Variants in COL11A1 observed in about 807,000 individuals in gnomAD.
COL11A1 encodes collagen type XI alpha 1 chain.
COL11A1 carries 74 observed loss-of-function variants against 265.2 expected under a neutral mutation model. The observed-to-expected ratio is 0.28, with a 90% CI of 0.23 to 0.34. The LOEUF is 0.34. Ranked by LOEUF, COL11A1 falls within the 10% of genes least tolerant of loss-of-function variation. COL11A1 has a pLI of 1.00. For synonymous variants in COL11A1, 816 were observed against 727.6 expected (o/e 1.12, Z -1.96); for missense variants, 2,165 against 2,263.6 (o/e 0.96, Z 0.88).
In COL11A1 at chr1:102,877,716, A is replaced by G; in HGVS notation, c.*303T>C. On this transcript the variant is annotated 3_prime_UTR_variant, in exon 67 of 67. Coordinates refer to ENST00000370096, the MANE Select transcript of COL11A1 (RefSeq NM_001854.4). ...AGCACCATATTTTTTATGAATATAT[A>G]TTTTTCTTTTTTTGTTTTCTACAGC... The G allele has an allele frequency of 3.2e-6, 1 of 311,614 alleles. No individual in the cohort carries two copies. The highest frequency in any genetic ancestry group is 3.6e-5 in the South Asian group (1 of 27,540). 19.3% of individuals were successfully genotyped at this position (311,614 alleles called of 1,614,324 possible). A position where few individuals can be genotyped will look rare whatever the true frequency, so the allele number is the denominator to read the frequency against.
intron 21 of COL11A1, 143 bp downstream of exon 21, chr1:103,003,072 T>A: frequency 3.4e-6 from 3 of 870,680 alleles, no homozygotes; most frequent in Non-Finnish European, 5.7e-6. Flanking sequence ...GAATGATGAG[T>A]TAAAGTGAAA....
intron 28 of COL11A1, among the ~76,000 whole-genome samples, chr1:102,991,014 C>A (rs988965186): frequency 6.6e-6 from 1 of 152,062 alleles, no homozygotes; most frequent in Admixed American, 6.6e-5. Flanking sequence ...GGCTTGGCAA[C>A]AGAGGGAGAC....
chr1:103,064,723 C>T (rs1020169942), intron 4 of COL11A1, among the ~76,000 whole-genome samples: 5 of 139,028 alleles, frequency 3.6e-5, no homozygotes, highest in Non-Finnish European at 6.3e-5. Flanking sequence ...AAAGAGAATA[C>T]ATAGAAGAAC....
At position 103,031,240 on chromosome 1, in the gene COL11A1, T is replaced by A. The variant is rs1268801503; in HGVS notation, c.656A>T (p.Asp219Val). 4 of 1,511,044 alleles carry A rather than the reference T, an allele frequency of 2.6e-6. No individual in the cohort carries two copies. Among genetic ancestry groups the A allele is most frequent in the Non-Finnish European group, 8.8e-7 (1 of 1,134,956 alleles). The allele number at this position is 1,511,044 out of a possible 1,614,324, so 93.6% of individuals were successfully genotyped here. A position where few individuals can be genotyped will look rare whatever the true frequency, so the allele number is the denominator to read the frequency against. The change falls in exon 5 of 67, where the codon GAC becomes GTC. Residue 219 changes from aspartate to valine, a missense_variant. By Grantham distance (152) the Asp-to-Val change is radical (BLOSUM62 -3). Transcript: ENST00000370096. ...ACCTGTGATCAAAAACTGCTGAATG[T>A]CCCCCTGGGAAAAAAAAAAAAACAA... The part of the protein sequence containing the change: ...RILDEEVFEG[D>V]IQQFLITGDP...
intron 11 of COL11A1, among the ~76,000 whole-genome samples, chr1:103,017,085 A>C (rs1434930225): frequency 6.6e-6 from 1 of 152,082 alleles, no homozygotes; most frequent in Non-Finnish European, 1.5e-5. Flanking sequence ...TTAAGTAAGC[A>C]GAGCATGTAA....
intron 1 of COL11A1, among the ~76,000 whole-genome samples, chr1:103,105,563 T>C (rs1674627372): frequency 6.6e-6 from 1 of 152,166 alleles, no homozygotes; most frequent in South Asian, 2.1e-4. Context: ...GTTTTAATTT[T>C]ATATAAAAGT....
At chr1:102,899,859 T>G (rs1289074273) in intron 54 of COL11A1, among the ~76,000 whole-genome samples, 2 of 152,100 alleles carry the variant, frequency 1.3e-5, no homozygotes, top group Non-Finnish European at 2.9e-5. Flanking sequence ...GATGCCATAT[T>G]AATATTTTAA....
chr1:103,016,488 G>C (rs34110240), intron 11 of COL11A1, among the ~76,000 whole-genome samples: 3,294 of 151,896 alleles, frequency 0.022, 59 homozygotes, highest in Middle Eastern at 0.092. Context: ...GTGACTCATA[G>C]ATATAAGGTA....
intron 20 of COL11A1, 62 bp downstream of exon 20, chr1:103,004,382 A>T (rs1665403627): frequency 3.3e-6 from 4 of 1,196,440 alleles, no homozygotes; most frequent in Non-Finnish European, 4.9e-6. Flanking sequence ...TATATGTGTA[A>T]CACCAGTCAC....
At chr1:102,928,343 ATG>A (rs1333460988) in intron 46 of COL11A1, among the ~76,000 whole-genome samples, 1 of 150,298 alleles carries the variant, frequency 6.7e-6, no homozygotes, top group African/African-American at 2.5e-5. Flanking sequence ...GAGTGAGAAT[ATG>A]CGGTGTTTGG....
chr1:103,042,326 A>C (rs1668877473), intron 4 of COL11A1, among the ~76,000 whole-genome samples: 1 of 152,164 alleles, frequency 6.6e-6, no homozygotes, highest in Admixed American at 6.6e-5. Context: ...AGATATAAGA[A>C]ATTTGAAATA....
chr1:103,092,398 T>C (rs954358450), intron 1 of COL11A1, among the ~76,000 whole-genome samples: 1 of 152,164 alleles, frequency 6.6e-6, no homozygotes, highest in Non-Finnish European at 1.5e-5. Flanking sequence ...AAGTCTTTTA[T>C]GGTTTACTAC....
intron 54 of COL11A1, among the ~76,000 whole-genome samples, chr1:102,903,210 G>C (rs1653458559): frequency 6.6e-6 from 1 of 151,922 alleles, no homozygotes; most frequent in South Asian, 2.1e-4. Context: ...TCATTCTCAA[G>C]TATTACAAAT....
At position 102,995,959 on chromosome 1, in the gene COL11A1, G is replaced by A. The variant is rs200758006; in HGVS notation, c.2295+30C>T. 3 of 1,611,854 alleles carry A rather than the reference G, an allele frequency of 1.9e-6. No individual in the cohort carries two copies. The African/African-American group carries it at 4.0e-5, about 21-fold the overall frequency. On this transcript the variant is annotated intron_variant, in intron 27 of 66. Coordinates refer to ENST00000370096, the MANE Select transcript of COL11A1 (RefSeq NM_001854.4). ...GTGAATATAACATTTCACTTTGAAA[G>A]TAAATAATGTGAAAACAATTTAACG...
chr1:102,948,598 TATTC>T lies in COL11A1; in HGVS notation c.3169-1646_3169-1643del, dbSNP rs1288757522. Among the ~76,000 whole-genome samples the T allele has an allele frequency of 2.4e-4, 37 of 152,160 alleles. 1 individual carries two copies. The highest frequency in any genetic ancestry group is 8.9e-4 in the African/African-American group (37 of 41,572). ...TATATTCAAAAACTAATCTAGGGAA[TATTC>T]TTATATTGCATAATAAATGAGTTGT... On this transcript the variant is annotated intron_variant, in intron 41 of 66. Coordinates refer to ENST00000370096, the MANE Select transcript of COL11A1 (RefSeq NM_001854.4).
At chr1:102,878,481 T>TATATATATATATATATAG (rs1649800375) in intron 66 of COL11A1, among the ~76,000 whole-genome samples, 1 of 89,428 alleles carries the variant, frequency 1.1e-5, no homozygotes, top group Non-Finnish European at 2.1e-5. Flanking sequence ...TCCTCATATA[T>TATATATATATATATATAG]ATATATATAT....
At chr1:102,889,400 T>TGTGTGCGTGC (rs1651447510) in intron 59 of COL11A1, 55 bp downstream of exon 59, 1 of 1,035,814 alleles carries the variant, frequency 9.7e-7, no homozygotes, top group African/African-American at 1.5e-5. Context: ...TGTGTGTGTG[T>TGTGTGCGTGC]GTGTGTGTGT....
intron 14 of COL11A1, among the ~76,000 whole-genome samples, chr1:103,008,835 A>G (rs540502383): frequency 7.3e-4 from 111 of 152,308 alleles, no homozygotes; most frequent in Non-Finnish European, 1.2e-3. Context: ...CACACAAAGC[A>G]TTATTTATGA....
At chr1:102,891,867 AG>A (rs1651823291) in intron 57 of COL11A1, among the ~76,000 whole-genome samples, 2 of 152,142 alleles carry the variant, frequency 1.3e-5, no homozygotes, top group Non-Finnish European at 2.9e-5. Context: ...TGGGTGACAG[AG>A]GAACACCCTG....
Sources: gnomAD v4.1 joint callset for allele counts (sites outside exome capture counted in the v4.1 genomes callset) on GRCh38, gnomAD v4.1.1 for gene constraint, MANE v1.5 for transcripts, NCBI Gene and HGNC (gene_info 2026-07-23, HGNC 2026-07-21) for gene names.